The following MED12L variants were observed in gnomAD, a reference collection of about 807,000 sequenced individuals.
MED12L encodes mediator of RNA polymerase II transcription subunit 12-like protein.
A neutral mutation model predicts 281.3 loss-of-function variants in MED12L; 60 were observed. The observed-to-expected ratio is 0.21, with a 90% CI of 0.17 to 0.26. The LOEUF is 0.26. Among genes scored for constraint, MED12L ranks in the 10% least tolerant of loss-of-function variants. The pLI, the probability that MED12L is intolerant of heterozygous loss-of-function variation, is 1.00. For synonymous variants in MED12L, 974 were observed against 987.2 expected (o/e 0.99, Z 0.25); for missense variants, 2,146 against 2,680.9 (o/e 0.80, Z 4.41).
chr3:151,251,204 C>T (rs1177473342), intron 16 of MED12L, among the ~76,000 whole-genome samples: 2 of 152,188 alleles, frequency 1.3e-5, no homozygotes, highest in Non-Finnish European at 2.9e-5. Flanking sequence ...CTCTCACCAC[C>T]TTGCACCTCT....
chr3:151,156,848 A>T (rs1254008457), intron 6 of MED12L, among the ~76,000 whole-genome samples: 2 of 152,112 alleles, frequency 1.3e-5, no homozygotes, highest in African/African-American at 2.4e-5. Flanking sequence ...TGGGCTCTTA[A>T]TTACCTTATT....
At chr3:151,430,156 T>TGCAG in intron 43 of MED12L, 143 bp from the exon 44 acceptor site, 1 of 1,212,742 alleles carries the variant, frequency 8.2e-7, no homozygotes, top group Non-Finnish European at 1.1e-6. Context: ...AGATGAAAAT[T>TGCAG]AATCCACACA....
intron 16 of MED12L, among the ~76,000 whole-genome samples, chr3:151,204,249 T>C (rs1196013383): frequency 6.6e-6 from 1 of 152,202 alleles, no homozygotes; most frequent in Non-Finnish European, 1.5e-5. Context: ...AAAAAGAAGA[T>C]ACCTTTCCAG....
At chr3:151,099,308 G>A (rs1721115148) in intron 2 of MED12L, among the ~76,000 whole-genome samples, 1 of 152,192 alleles carries the variant, frequency 6.6e-6, no homozygotes, top group African/African-American at 2.4e-5. Flanking sequence ...GCTCTTGGGA[G>A]TCTTAAAGAT....
chr3:151,243,418 TC>T (rs1217967293), intron 16 of MED12L, among the ~76,000 whole-genome samples: 3 of 35,742 alleles, frequency 8.4e-5, no homozygotes, highest in African/African-American at 8.3e-4. Flanking sequence ...AGCGGATCTC[TC>T]GGCAGAAACC....
At chr3:151,164,298 T>C (rs982993081) in intron 9 of MED12L, among the ~76,000 whole-genome samples, 2 of 152,214 alleles carry the variant, frequency 1.3e-5, no homozygotes, top group Non-Finnish European at 2.9e-5. Context: ...GTAATTATGG[T>C]GGTGGTTCTA....
chr3:151,267,054 T>C (rs1401175655), intron 16 of MED12L, among the ~76,000 whole-genome samples: 1 of 152,220 alleles, frequency 6.6e-6, no homozygotes, highest in Admixed American at 6.5e-5. Flanking sequence ...TTTTCCTAAT[T>C]TAAAATTGTC....
chr3:151,292,468 G>T (rs1215665175), intron 16 of MED12L, among the ~76,000 whole-genome samples: 3 of 151,260 alleles, frequency 2.0e-5, no homozygotes, highest in Non-Finnish European at 2.9e-5. Context: ...TGTATTTTTA[G>T]TAGAGACGGG....
intron 16 of MED12L, among the ~76,000 whole-genome samples, chr3:151,299,453 A>G (rs1288320631): frequency 1.2e-5 from 1 of 83,756 alleles, no homozygotes; most frequent in Non-Finnish European, 2.2e-5. Flanking sequence ...TTTCTTTTCT[A>G]TTTCCTCTCT....
chr3:151,122,725 AGT>A, intron 3 of MED12L, 56 bp from the exon 4 acceptor site: 8 of 1,153,650 alleles, frequency 6.9e-6, no homozygotes, highest in Non-Finnish European at 9.6e-6. Context: ...ACTAATGTAC[AGT>A]ACTAAGCTAC....
chr3:151,127,585 A>C (rs1227352135), intron 4 of MED12L, among the ~76,000 whole-genome samples: 1 of 152,230 alleles, frequency 6.6e-6, no homozygotes, highest in Non-Finnish European at 1.5e-5. Flanking sequence ...CAACTAGTGA[A>C]AGTTTTATAT....
chr3:151,385,038 A>G lies in MED12L; in HGVS notation c.4935A>G (p.Leu1645=). Residue 1645 remains leucine (L), a synonymous_variant, in exon 36 of 45, where the codon CTA becomes CTG. Transcript: ENST00000687756. ...CTCTCTTTTTTCTTTAGAAAGAGCT[A>G]GGAGACAAGCGATCAGAAAGTATTG... The part of the protein sequence containing the change: ...MNLVKKLKKE[L]GDKRSESIDK... 6.7e-7 allele frequency: 1 copy of G among 1,500,528 alleles called. No homozygotes were observed. The highest frequency in any genetic ancestry group is 9.3e-7 in the Non-Finnish European group (1 of 1,078,164). 93.0% of individuals were successfully genotyped at this position (1,500,528 alleles called of 1,614,324 possible). A position where few individuals can be genotyped will look rare whatever the true frequency, so the allele number is the denominator to read the frequency against.
rs563088496 is a variant in MED12L at position 151,163,250 on chromosome 3, G to GC, written c.1108-642dup. ...TGAAGAGTGTCTGCAAGTGTCTAGG[G>GC]CGAGGGAGATCTACAGGCTGTGGAT... is the stretch of plus-strand genomic sequence containing the variant. On this transcript the variant is annotated intron_variant, in intron 8 of 44. Transcript: ENST00000687756. 1.4e-4 allele frequency among the ~76,000 whole-genome samples: 21 copies of GC among 152,072 alleles called. 1 individual carries two copies. The South Asian group carries it at 4.4e-3, about 32-fold the overall frequency.
At chr3:151,242,023 G>C (rs1734222093) in intron 16 of MED12L, among the ~76,000 whole-genome samples, 1 of 152,160 alleles carries the variant, frequency 6.6e-6, no homozygotes, top group African/African-American at 2.4e-5. Context: ...GACGGCACCT[G>C]GAAAATCGGG....
Position 151,191,766 on chromosome 3 carries a change from C to T in MED12L, c.1969-784C>T, listed in dbSNP as rs112128796. On this transcript the variant is annotated intron_variant, in intron 14 of 44. Transcript: ENST00000687756. ...TACCAAAAATACAAAATTAGCCGGG[C>T]GTGGTGGCACATGCCTGTAGTCCCA... Among the ~76,000 whole-genome samples the T allele has an allele frequency of 9.5e-3, 1,447 of 152,058 alleles. 24 individuals carry two copies. The highest frequency in any genetic ancestry group is 0.033 in the African/African-American group (1,357 of 41,476).
chr3:151,088,568 T>A (rs757688958), intron 2 of MED12L, among the ~76,000 whole-genome samples: 1 of 152,224 alleles, frequency 6.6e-6, no homozygotes, highest in Non-Finnish European at 1.5e-5. Context: ...GATGGCATGA[T>A]GGCTTGGGGT....
At chr3:151,363,156 G>T (rs1754831947) in intron 21 of MED12L, among the ~76,000 whole-genome samples, 1 of 152,030 alleles carries the variant, frequency 6.6e-6, no homozygotes, top group Non-Finnish European at 1.5e-5. Flanking sequence ...TTACTCAGGG[G>T]TCAGCAGAGT....
At chr3:151,221,701 A>G (rs183689924) in intron 16 of MED12L, among the ~76,000 whole-genome samples, 50 of 152,290 alleles carry the variant, frequency 3.3e-4, no homozygotes, top group Admixed American at 2.9e-3. Context: ...AGATTTCAGA[A>G]TATGTGTGGA....
intron 44 of MED12L, among the ~76,000 whole-genome samples, chr3:151,431,071 C>T (rs975496557): frequency 5.9e-5 from 9 of 152,104 alleles, no homozygotes; most frequent in South Asian, 2.1e-4. Context: ...TGTCATAGGA[C>T]GGAAAATCCT....
Sources: gnomAD v4.1 joint callset for allele counts (sites outside exome capture counted in the v4.1 genomes callset) on GRCh38, gnomAD v4.1.1 for gene constraint, MANE v1.5 for transcripts, NCBI Gene and HGNC (gene_info 2026-07-23, HGNC 2026-07-21) for gene names.